The following AK8 variants were observed in gnomAD, a reference collection of about 807,000 sequenced individuals.
AK8 encodes the protein adenylate kinase 8.
Under a neutral mutation model 54.6 loss-of-function variants are expected in AK8, and 44 were observed. The observed-to-expected ratio is 0.81, with a 90% CI of 0.63 to 1.04. AK8 has a LOEUF of 1.04. Ranked by LOEUF, AK8 falls within the 50% of genes least tolerant of loss-of-function variation. The probability of loss-of-function intolerance (pLI) is 0.00; values close to 1 mark genes in which losing one functional copy is unlikely to be tolerated. For synonymous variants in AK8, 239 were observed against 245.6 expected (o/e 0.97, Z 0.25); for missense variants, 555 against 613.6 (o/e 0.90, Z 1.01).
rs1041989283 is a variant in AK8, at chr9:132,826,136, C to T, written c.757+718G>A. On this transcript the variant is annotated intron_variant, in intron 8 of 12. Transcript: ENST00000298545. The surrounding 1 kb of genome is among the most constrained non-coding windows in gnomAD (Gnocchi z 4.5). The stretch of plus-strand genomic sequence containing the variant: ...GCTGTGGACACGTGATTTGGAGAAT[C>T]CCATTTAATCCTCACCTACGCCTGG... 6.6e-6 allele frequency among the ~76,000 whole-genome samples: 1 copy of T among 152,146 alleles called. No individual in the cohort carries two copies. The highest frequency in any genetic ancestry group is 2.4e-5 in the African/African-American group (1 of 41,416).
chr9:132,742,121 T>C (rs891917520), intron 11 of AK8, among the ~76,000 whole-genome samples: 1 of 151,994 alleles, frequency 6.6e-6, no homozygotes, highest in Non-Finnish European at 1.5e-5. Flanking sequence ...CTCCATTCTT[T>C]GGATCTATCA....
At chr9:132,747,389 A>G (rs1019464033) in intron 11 of AK8, among the ~76,000 whole-genome samples, 4 of 151,580 alleles carry the variant, frequency 2.6e-5, no homozygotes, top group African/African-American at 9.7e-5. Flanking sequence ...TCTTGACCTC[A>G]TGATCTCCCC....
Position 132,814,658 on chromosome 9 carries a change from A to C in AK8, c.959T>G (p.Phe320Cys), listed in dbSNP as rs1030833830. ...RTTFGELIQP[F>C]FEKEMAVPDS... is the part of the protein sequence containing the mutation. The stretch of plus-strand genomic sequence containing the variant: ...CCTACCTGCCATCTCCTTTTCAAAG[A>C]AGGGCTGGATGAGCTCGCCAAACGT... The change falls in exon 10 of 13, where the codon TTC (phenylalanine) becomes TGC (cysteine). Residue 320 changes from phenylalanine to cysteine, a missense_variant. Phe to Cys is a radical substitution (Grantham distance 205). Coordinates refer to ENST00000298545, the MANE Select transcript of AK8 (RefSeq NM_152572.3). 4 of 1,613,992 alleles carry C rather than the reference A, an allele frequency of 2.5e-6. No homozygotes were observed. The highest frequency in any genetic ancestry group is 3.4e-6 in the Non-Finnish European group (4 of 1,180,008).
intron 10 of AK8, among the ~76,000 whole-genome samples, chr9:132,805,654 C>T (rs1840685777): frequency 6.6e-6 from 1 of 152,108 alleles, no homozygotes; most frequent in East Asian, 1.9e-4. Flanking sequence ...GAAGGACCCT[C>T]GGGGGCACAA....
At chr9:132,739,196 T>A (rs148569285) in intron 11 of AK8, among the ~76,000 whole-genome samples, 2,371 of 149,690 alleles carry the variant, frequency 0.016, 61 homozygotes, top group African/African-American at 0.054. Flanking sequence ...ATACCTATAA[T>A]CCCAGCACTT....
Position 132,770,948 on chromosome 9 carries a change from C to G in AK8, c.1121+21686G>C, listed in dbSNP as rs1191480982. 2.0e-5 allele frequency among the ~76,000 whole-genome samples: 3 copies of G among 152,142 alleles called. No individual in the cohort carries two copies. Among genetic ancestry groups the G allele is most frequent in the Non-Finnish European group, 4.4e-5 (3 of 68,012 alleles). ...GGGAGCAGCTGGTGGCCTCGGCAAACGCAGCACAGGAGATGGGAGGGTCTG... is the reference window on the plus strand; with the variant it reads ...GGGAGCAGCTGGTGGCCTCGGCAAAGGCAGCACAGGAGATGGGAGGGTCTG... On this transcript the variant is annotated intron_variant, in intron 11 of 12. Transcript: ENST00000298545. This position sits in a 1 kb window ranked among gnomAD's most constrained non-coding sequence, Gnocchi z 4.3.
At chr9:132,814,613 GAC>G in intron 10 of AK8, 23 bp downstream of exon 10, 5 of 1,608,852 alleles carry the variant, frequency 3.1e-6, no homozygotes, top group Non-Finnish European at 4.3e-6. Context: ...GTAAGGTCAT[GAC>G]AGTTAGTGGG....
At chr9:132,757,253 G>A (rs1390278929) in intron 11 of AK8, among the ~76,000 whole-genome samples, 1 of 152,198 alleles carries the variant, frequency 6.6e-6, no homozygotes, top group Non-Finnish European at 1.5e-5. Flanking sequence ...ATGGTCAGAG[G>A]GTTCCGGAGC....
At chr9:132,819,285 G>A (rs1841471922) in intron 9 of AK8, among the ~76,000 whole-genome samples, 1 of 152,172 alleles carries the variant, frequency 6.6e-6, no homozygotes, top group Non-Finnish European at 1.5e-5. Flanking sequence ...GGTATTATAA[G>A]TAATCTAGAG....
upstream of AK8, chr9:132,878,939 G>T (rs1357362993): frequency 8.9e-6 from 2 of 224,020 alleles, no homozygotes; most frequent in Non-Finnish European, 1.5e-5. The surrounding 1 kb of genome is among the most constrained non-coding windows in gnomAD (Gnocchi z 4.7). Context: ...CACCCTCCGG[G>T]GCACCGACAC....
intron 12 of AK8, 105 bp from the exon 13 acceptor site, chr9:132,726,030 C>T (rs762607897): frequency 2.3e-6 from 2 of 874,176 alleles, no homozygotes; most frequent in Admixed American, 2.1e-5. Context: ...TCCTGGCCAC[C>T]ACCACCATCA....
rs12555164 is a variant in AK8 at position 132,828,470 on chromosome 9, C to T, written c.484+175G>A. ...AACGAAACCCCACTTTTCTTAAGAACCAGCCCTGAATATATTTAGCTCTGT... is the reference window on the plus strand; with the variant it reads ...AACGAAACCCCACTTTTCTTAAGAATCAGCCCTGAATATATTTAGCTCTGT... On this transcript the variant is annotated intron_variant, in intron 6 of 12. Transcript: ENST00000298545. 8.3e-3 allele frequency among the ~76,000 whole-genome samples: 1,261 copies of T among 152,372 alleles called. 44 individuals carry two copies. Among genetic ancestry groups the T allele is most frequent in the Admixed American group, 0.061 (937 of 15,308 alleles).
At chr9:132,814,161 C>T (rs1841204517) in intron 10 of AK8, among the ~76,000 whole-genome samples, 1 of 151,344 alleles carries the variant, frequency 6.6e-6, no homozygotes, top group Non-Finnish European at 1.5e-5. Flanking sequence ...CACCTGTAGT[C>T]CCAGCTACTT....
Position 132,800,919 on chromosome 9 carries a change from C to CCTTTT in AK8, c.980-8145_980-8144insAAAAG, listed in dbSNP as rs1554793659. 1.6e-5 allele frequency among the ~76,000 whole-genome samples: 2 copies of CCTTTT among 123,814 alleles called. 1 individual carries two copies. The highest frequency in any genetic ancestry group is 6.0e-5 in the African/African-American group (2 of 33,080). The allele number at this position is 123,814 out of a possible 152,430, so 81.2% of individuals were successfully genotyped here. A position where few individuals can be genotyped will look rare whatever the true frequency, so the allele number is the denominator to read the frequency against. On this transcript the variant is annotated intron_variant, in intron 10 of 12. Transcript: ENST00000298545. Reference sequence around the variant, plus strand: ...CCAACAGTGAATATTTCAGTTTGTCCTTTTTTTTTTTTTTTTTTTTGAGAC... The same window carrying CCTTTT: ...CCAACAGTGAATATTTCAGTTTGTCCCTTTTTTTTTTTTTTTTTTTTTTTTGAGAC...
At chr9:132,758,513 G>C (rs1460916285) in intron 11 of AK8, among the ~76,000 whole-genome samples, 1 of 152,022 alleles carries the variant, frequency 6.6e-6, no homozygotes, top group Non-Finnish European at 1.5e-5. Context: ...GCAATGGTGC[G>C]ATCTCGGCTC....
At chr9:132,801,220 G>A (rs1158093352) in intron 10 of AK8, among the ~76,000 whole-genome samples, 2 of 152,102 alleles carry the variant, frequency 1.3e-5, no homozygotes, top group Non-Finnish European at 2.9e-5. Context: ...GAGCCACCAC[G>A]CCTGGCCAGT....
chr9:132,771,274 C>T (rs1218510332), intron 11 of AK8, among the ~76,000 whole-genome samples: 1 of 152,206 alleles, frequency 6.6e-6, no homozygotes, highest in Middle Eastern at 3.2e-3. Flanking sequence ...CCTGGCCCTC[C>T]TGCCCACAGG....
chr9:132,808,881 C>T (rs935623320), intron 10 of AK8, among the ~76,000 whole-genome samples: 6 of 152,134 alleles, frequency 3.9e-5, no homozygotes, highest in Non-Finnish European at 8.8e-5. Flanking sequence ...AGGTCCAGTA[C>T]CCACCAGGGC....
intron 2 of AK8, among the ~76,000 whole-genome samples, chr9:132,871,526 T>C (rs1228725819): frequency 2.0e-5 from 3 of 152,200 alleles, no homozygotes; most frequent in African/African-American, 7.2e-5. Flanking sequence ...AAAACAGTGG[T>C]TCCTGGGACC....
Sources: gnomAD v4.1 joint callset for allele counts (sites outside exome capture counted in the v4.1 genomes callset) on GRCh38, gnomAD v4.1.1 for gene constraint, Gnocchi (gnomAD v3.1) non-coding constraint, MANE v1.5 for transcripts, NCBI Gene and HGNC (gene_info 2026-07-23, HGNC 2026-07-21) for gene names.